The following METTL16 variants were observed in gnomAD, a reference collection of about 807,000 sequenced individuals.
METTL16 encodes the protein RNA N(6)-adenosine-methyltransferase METTL16.
A neutral mutation model predicts 57.9 loss-of-function variants in METTL16; 19 were observed. The observed-to-expected ratio is 0.33, with a 90% CI of 0.23 to 0.48. The LOEUF is 0.48. METTL16 is among the 20% of genes least tolerant of loss of function. METTL16 has a pLI of 0.99. For missense variants in METTL16, 434 were observed against 691.5 expected (o/e 0.63, Z 4.18); for synonymous variants, 246 against 255.6 (o/e 0.96, Z 0.36).
rs869134753 is a variant in METTL16 at position 2,417,085 on chromosome 17, T to TA, written c.*2884_*2885insT. The TA allele has an allele frequency of 7.2e-6, 1 of 138,356 alleles. No homozygotes were observed. Among genetic ancestry groups the TA allele is most frequent in the African/African-American group, 2.9e-5 (1 of 34,948 alleles). 8.6% of individuals were successfully genotyped at this position (138,356 alleles called of 1,614,324 possible). On this transcript the variant is annotated 3_prime_UTR_variant, in exon 10 of 10. Coordinates refer to ENST00000263092, the MANE Select transcript of METTL16 (RefSeq NM_024086.4). ...TTTTTTTTTTTTTTTTTTTTTTTTT[T>TA]GAGACAGTCCCACTTTGTCGCCCAG...
intron 7 of METTL16, among the ~76,000 whole-genome samples, chr17:2,439,375 GT>G (rs1404524707): frequency 1.2e-4 from 19 of 152,262 alleles, no homozygotes; most frequent in Admixed American, 1.2e-3. Flanking sequence ...GCCTCCCAAA[GT>G]GCTGTGATTA....
At chr17:2,497,523 G>A (rs1278957076) in intron 2 of METTL16, among the ~76,000 whole-genome samples, 4 of 150,944 alleles carry the variant, frequency 2.6e-5, no homozygotes, top group African/African-American at 9.9e-5. Flanking sequence ...ATGTTGCCCA[G>A]GATGATCTCA....
intron 6 of METTL16, among the ~76,000 whole-genome samples, chr17:2,443,400 A>T (rs1001714534): frequency 6.6e-6 from 1 of 152,160 alleles, no homozygotes; most frequent in African/African-American, 2.4e-5. Flanking sequence ...TATTAATTAT[A>T]TGCAAACTCT....
rs1337130215 is a variant in METTL16, at chr17:2,463,575, C to T, written c.728+633G>A. ...CTCCTGGGTTCAAGCGATTCTCCTG[C>T]GTCAGCCTCCCTAGTAGCTGGGACT... On this transcript the variant is annotated intron_variant, in intron 6 of 9. Coordinates refer to ENST00000263092, the MANE Select transcript of METTL16 (RefSeq NM_024086.4). Among the ~76,000 whole-genome samples the T allele has an allele frequency of 6.6e-5, 10 of 152,146 alleles. No individual in the cohort carries two copies. In the South Asian group the frequency reaches 1.0e-3, roughly 16 times the overall value.
chr17:2,478,238 A>G (rs1157354696), intron 2 of METTL16, among the ~76,000 whole-genome samples: 2 of 152,214 alleles, frequency 1.3e-5, no homozygotes, highest in East Asian at 1.9e-4. Flanking sequence ...AGTAATACCA[A>G]TATCACAATG....
rs796759358 is a variant in METTL16, at chr17:2,511,742, A to C, written c.-1+17T>G. 9 of 398,242 alleles carry C rather than the reference A, an allele frequency of 2.3e-5. No homozygotes were observed. The highest frequency in any genetic ancestry group is 1.6e-4 in the African/African-American group (8 of 48,734). 24.7% of individuals were successfully genotyped at this position (398,242 alleles called of 1,614,324 possible). A position where few individuals can be genotyped will look rare whatever the true frequency, so the allele number is the denominator to read the frequency against. ...ACCCATGATAGTAAATCTGCGTGAGAGATATAAGTGACCCACCTCTGAGGC... is the reference window on the plus strand; with the variant it reads ...ACCCATGATAGTAAATCTGCGTGAGCGATATAAGTGACCCACCTCTGAGGC... On this transcript the variant is annotated intron_variant, in intron 1 of 9. Transcript: ENST00000263092.
chr17:2,441,351 C>T, intron 7 of METTL16, 139 bp downstream of exon 7: 1 of 540,144 alleles, frequency 1.9e-6, no homozygotes, highest in Non-Finnish European at 3.0e-6. Context: ...TGCACAACGA[C>T]ATGAATTGTT....
At chr17:2,485,033 T>G (rs1230137721) in intron 2 of METTL16, among the ~76,000 whole-genome samples, 1 of 152,164 alleles carries the variant, frequency 6.6e-6, no homozygotes, top group East Asian at 1.9e-4. Flanking sequence ...GTCCCTGGCC[T>G]GTTAGGACTT....
At position 2,498,087 on chromosome 17, in the gene METTL16, A is replaced by G. The variant is rs1016269884; in HGVS notation, c.128+4117T>C. On this transcript the variant is annotated intron_variant, in intron 2 of 9. Coordinates refer to ENST00000263092, the MANE Select transcript of METTL16 (RefSeq NM_024086.4). ...CGGGCACCTGTAGTCCCAGCTACTC[A>G]GGAGGCTGAGGCAGGAGAATGGCGT... 4.0e-5 allele frequency among the ~76,000 whole-genome samples: 6 copies of G among 151,016 alleles called. 1 individual carries two copies. The highest frequency in any genetic ancestry group is 2.1e-4 in the South Asian group (1 of 4,792).
chr17:2,489,117 T>TA (rs2067365123), intron 2 of METTL16, among the ~76,000 whole-genome samples: 1 of 151,432 alleles, frequency 6.6e-6, no homozygotes, highest in African/African-American at 2.4e-5. Flanking sequence ...CATTCTTTTT[T>TA]TTTTATTTTT....
chr17:2,455,652 A>C (rs1286803770), intron 6 of METTL16, among the ~76,000 whole-genome samples: 1 of 152,188 alleles, frequency 6.6e-6, no homozygotes, highest in Non-Finnish European at 1.5e-5. Flanking sequence ...CCTGAGTTAA[A>C]ATGATGAAAT....
chr17:2,453,254 C>G (rs1284466083), intron 6 of METTL16, among the ~76,000 whole-genome samples: 1 of 152,208 alleles, frequency 6.6e-6, no homozygotes, highest in Non-Finnish European at 1.5e-5. Context: ...ATACAGTCCA[C>G]ACTTAAATTT....
At chr17:2,421,296 A>AG (rs1302210596) in intron 8 of METTL16, among the ~76,000 whole-genome samples, 3 of 152,306 alleles carry the variant, frequency 2.0e-5, no homozygotes, top group African/African-American at 7.2e-5. Context: ...TCCAGGCTGC[A>AG]GGGAGCTCTG....
chr17:2,415,893 T>C (rs2066710555), downstream of METTL16: 1 of 152,038 alleles, frequency 6.6e-6, no homozygotes, highest in Non-Finnish European at 1.5e-5. Flanking sequence ...TAACTAGATA[T>C]CAAGAAAAAC....
chr17:2,505,786 G>C (rs1724067054), intron 1 of METTL16, among the ~76,000 whole-genome samples: 2 of 151,914 alleles, frequency 1.3e-5, no homozygotes, highest in Non-Finnish European at 2.9e-5. Context: ...ACAAATCTCA[G>C]TATGTCCTTC....
At chr17:2,448,405 A>G (rs2067032669) in intron 6 of METTL16, among the ~76,000 whole-genome samples, 1 of 38,052 alleles carries the variant, frequency 2.6e-5, no homozygotes, top group African/African-American at 1.4e-4. Flanking sequence ...ACTAAGAAAA[A>G]TTCTTCTGCC....
intron 4 of METTL16, among the ~76,000 whole-genome samples, chr17:2,468,622 T>C (rs1294696460): frequency 6.6e-6 from 1 of 152,240 alleles, no homozygotes; most frequent in Non-Finnish European, 1.5e-5. Context: ...GGTTCATGCC[T>C]GTAATCCCAG....
At position 2,492,190 on chromosome 17, in the gene METTL16, G is replaced by A. The variant is rs560391684; in HGVS notation, c.128+10014C>T. On this transcript the variant is annotated intron_variant, in intron 2 of 9. Coordinates refer to ENST00000263092, the MANE Select transcript of METTL16 (RefSeq NM_024086.4). ...TGCGCCACTGCACTCCAGCCTGGGCGACAGAGCAAGACTCCGTCTCAAAAA... is the reference window on the plus strand; with the variant it reads ...TGCGCCACTGCACTCCAGCCTGGGCAACAGAGCAAGACTCCGTCTCAAAAA... Among the ~76,000 whole-genome samples the A allele has an allele frequency of 7.0e-4, 107 of 152,186 alleles. 1 individual carries two copies. Among genetic ancestry groups the A allele is most frequent in the Admixed American group, 5.9e-4 (9 of 15,276 alleles).
chr17:2,428,003 A>G (rs1597437866), intron 8 of METTL16, among the ~76,000 whole-genome samples: 2 of 134,766 alleles, frequency 1.5e-5, no homozygotes, highest in Admixed American at 7.8e-5. Context: ...GAAGGGAGGG[A>G]GGGAGGAAGT....
Sources: gnomAD v4.1 joint callset for allele counts (sites outside exome capture counted in the v4.1 genomes callset) on GRCh38, gnomAD v4.1.1 for gene constraint, MANE v1.5 for transcripts, NCBI Gene and HGNC (gene_info 2026-07-23, HGNC 2026-07-21) for gene names.